Variants in GCGR observed in about 807,000 individuals in gnomAD.
The protein encoded by GCGR is glucagon receptor.
A neutral mutation model predicts 56.1 loss-of-function variants in GCGR; 41 were observed. The ratio of observed to expected loss-of-function variants is 0.73; its 90% CI spans 0.57 to 0.95. The LOEUF (loss-of-function observed/expected upper bound fraction) is 0.95. Among genes scored for constraint, GCGR ranks in the 40% least tolerant of loss-of-function variants. The pLI is 0.00. For missense variants in GCGR, 595 were observed against 638.2 expected (o/e 0.93, Z 0.73); for synonymous variants, 278 against 271.1 (o/e 1.03, Z -0.25).
rs2038067014 is a variant in GCGR, at chr17:81,810,341, AG to A, written c.163+460del. On this transcript the variant is annotated intron_variant, in intron 3 of 13. Coordinates refer to ENST00000400723, the MANE Select transcript of GCGR (RefSeq NM_000160.5). The surrounding 1 kb of genome is among the most constrained non-coding windows in gnomAD (Gnocchi z 4.6). Reference sequence around the variant, plus strand: ...GGGAGGCAGTGCCTGGGTTCGGATGAGGGAGGCAGCCACCACTGGGCAGAGG... The same window carrying A: ...GGGAGGCAGTGCCTGGGTTCGGATGAGGAGGCAGCCACCACTGGGCAGAGG... 2 of 324,034 alleles carry A rather than the reference AG, an allele frequency of 6.2e-6. No individual in the cohort carries two copies. The highest frequency in any genetic ancestry group is 1.2e-5 in the Non-Finnish European group (2 of 167,782). 20.1% of individuals were successfully genotyped at this position (324,034 alleles called of 1,614,324 possible). A position where few individuals can be genotyped will look rare whatever the true frequency, so the allele number is the denominator to read the frequency against.
At position 81,810,336 on chromosome 17, in the gene GCGR, G is replaced by T; in HGVS notation, c.163+452G>T. 3.1e-6 allele frequency: 1 copy of T among 325,728 alleles called. No individual in the cohort carries two copies. Among genetic ancestry groups the T allele is most frequent in the East Asian group, 7.9e-5 (1 of 12,670 alleles). The allele number at this position is 325,728 out of a possible 1,614,324, so 20.2% of individuals were successfully genotyped here. On this transcript the variant is annotated intron_variant, in intron 3 of 13. Transcript: ENST00000400723. This position sits in a 1 kb window ranked among gnomAD's most constrained non-coding sequence, Gnocchi z 4.6. ...CACCCGGGAGGCAGTGCCTGGGTTC[G>T]GATGAGGGAGGCAGCCACCACTGGG...
chr17:81,812,570 C>T lies in GCGR; in HGVS notation c.949-7C>T, dbSNP rs1336642752. ...GGATGCCCCTGACTCGCACCCTTCT[C>T]ACACAGATCAACTTCTTCATCTTCG... On this transcript the variant is annotated splice_region_variant and splice_polypyrimidine_tract_variant and intron_variant, in intron 10 of 13. Coordinates refer to ENST00000400723, the MANE Select transcript of GCGR (RefSeq NM_000160.5). The surrounding 1 kb of genome is among the most constrained non-coding windows in gnomAD (Gnocchi z 8.5). 1 of 1,536,282 alleles carries T rather than the reference C, an allele frequency of 6.5e-7. No individual in the cohort carries two copies. The highest frequency in any genetic ancestry group is 8.7e-7 in the Non-Finnish European group (1 of 1,146,652).
chr17:81,813,786 G>T lies in GCGR; in HGVS notation c.*97G>T. The T allele has an allele frequency of 8.1e-7, 1 of 1,234,948 alleles. No individual in the cohort carries two copies. Among genetic ancestry groups the T allele is most frequent in the Non-Finnish European group, 1.1e-6 (1 of 902,358 alleles). The allele number at this position is 1,234,948 out of a possible 1,614,324, so 76.5% of individuals were successfully genotyped here. A position where few individuals can be genotyped will look rare whatever the true frequency, so the allele number is the denominator to read the frequency against. Reference sequence around the variant, plus strand: ...CGCCCAGCTGAGGCTGGGGGCGGGGGAGCCAACAGCAGCCCCCACCTACCC... The same window carrying T: ...CGCCCAGCTGAGGCTGGGGGCGGGGTAGCCAACAGCAGCCCCCACCTACCC... On this transcript the variant is annotated 3_prime_UTR_variant, in exon 14 of 14. Coordinates refer to ENST00000400723, the MANE Select transcript of GCGR (RefSeq NM_000160.5). The surrounding 1 kb of genome is among the most constrained non-coding windows in gnomAD (Gnocchi z 5.3).
At chr17:81,807,177 C>T (rs1426647378) in intron 1 of GCGR, among the ~76,000 whole-genome samples, 5 of 152,206 alleles carry the variant, frequency 3.3e-5, no homozygotes, top group Admixed American at 6.5e-5. Context: ...CCCCCACCCG[C>T]CTGCCGCTGT....
chr17:81,809,295 C>CCTGTCTGTCTGCCTGTCCAT (rs2038030121), intron 2 of GCGR, among the ~76,000 whole-genome samples: 1 of 148,930 alleles, frequency 6.7e-6, no homozygotes. Flanking sequence ...TGTCCGTCTG[C>CCTGTCTGTCTGCCTGTCCAT]CTGTCTGTCT....
chr17:81,807,192 G>A (rs554589917), intron 1 of GCGR, among the ~76,000 whole-genome samples: 4 of 152,164 alleles, frequency 2.6e-5, no homozygotes, highest in African/African-American at 7.2e-5. Flanking sequence ...CGCTGTCTCC[G>A]CCAGGGAGAG....
rs576194179 is a variant in GCGR at position 81,810,867 on chromosome 17, C to T, written c.206C>T (p.Pro69Leu). 32 of 1,536,168 alleles carry T rather than the reference C, an allele frequency of 2.1e-5. No homozygotes were observed. Among genetic ancestry groups the T allele is most frequent in the Admixed American group, 5.9e-5 (3 of 50,964 alleles). Residue 69 changes from proline (P) to leucine (L), a missense_variant, in exon 4 of 14, where the codon CCG (proline) becomes CTG (leucine). Transcript: ENST00000400723. The surrounding 1 kb of genome is among the most constrained non-coding windows in gnomAD (Gnocchi z 4.6). ...NRTFDKYSCW[P>L]DTPANTTANI... The stretch of plus-strand genomic sequence containing the variant: ...ACCTTCGACAAGTATTCCTGCTGGC[C>T]GGACACCCCCGCCAATACCACGGCC...
At chr17:81,808,809 G>A (rs1355092430) in intron 1 of GCGR, 33 bp from the exon 2 acceptor site, 7 of 616,970 alleles carry the variant, frequency 1.1e-5, no homozygotes, top group African/African-American at 7.4e-5. Flanking sequence ...GTGAGCCGCC[G>A]CGCCCGGCCC....
chr17:81,805,647 A>C, intron 1 of GCGR, among the ~76,000 whole-genome samples: 1 of 132,100 alleles, frequency 7.6e-6, no homozygotes, highest in South Asian at 2.6e-4. Flanking sequence ...GAACCCCCCT[A>C]TTGGGCACCT....
chr17:81,807,632 C>T (rs1220428709), intron 1 of GCGR, among the ~76,000 whole-genome samples: 2 of 152,252 alleles, frequency 1.3e-5, no homozygotes, highest in African/African-American at 4.8e-5. Flanking sequence ...CTCCATCTGC[C>T]CAGCCATCCA....
rs527317042 is a variant in GCGR at position 81,813,481 on chromosome 17, C to G, written c.1226C>G (p.Ser409Trp). 30 of 1,534,842 alleles carry G rather than the reference C, an allele frequency of 2.0e-5. No individual in the cohort carries two copies. In the African/African-American group the frequency reaches 4.1e-4, roughly 21 times the overall value. ...CCCCGTCCCCCTCCCCAGGTGCAGT[C>G]GGAGCTGCGGCGGCGTTGGCACCGC... ...LYCFLNKEVQ[S>W]ELRRRWHRWR... is the part of the protein sequence containing the mutation. Residue 409 changes from serine to tryptophan, a missense_variant, in exon 14 of 14, where the codon TCG becomes TGG. Transcript: ENST00000400723. The surrounding 1 kb of genome is among the most constrained non-coding windows in gnomAD (Gnocchi z 5.3).
chr17:81,813,515 GGGCA>G lies in GCGR; in HGVS notation c.1261_1264del (p.Gly421LysfsTer64), dbSNP rs1182056067. 6.5e-7 allele frequency: 1 copy of G among 1,535,878 alleles called. No individual in the cohort carries two copies. Among genetic ancestry groups the G allele is most frequent in the East Asian group, 2.4e-5 (1 of 40,900 alleles). On this transcript the variant is annotated frameshift_variant, in exon 14 of 14. Coordinates refer to ENST00000400723, the MANE Select transcript of GCGR (RefSeq NM_000160.5). LOFTEE classifies it low-confidence loss of function (END_TRUNC). This position sits in a 1 kb window ranked among gnomAD's most constrained non-coding sequence, Gnocchi z 5.3. Reference sequence around the variant, plus strand: ...GGCGGCGTTGGCACCGCTGGCGCCTGGGCAAAGTGCTATGGGAGGAGCGGAACAC... The same window carrying G: ...GGCGGCGTTGGCACCGCTGGCGCCTGAAGTGCTATGGGAGGAGCGGAACAC...
Position 81,813,432 on chromosome 17 carries a change from C to T in GCGR, c.1219-42C>T. The T allele has an allele frequency of 2.0e-6, 3 of 1,511,268 alleles. No individual in the cohort carries two copies. The highest frequency in any genetic ancestry group is 2.7e-6 in the Non-Finnish European group (3 of 1,127,538). 93.6% of individuals were successfully genotyped at this position (1,511,268 alleles called of 1,614,324 possible). A position where few individuals can be genotyped will look rare whatever the true frequency, so the allele number is the denominator to read the frequency against. On this transcript the variant is annotated intron_variant, in intron 13 of 13. Transcript: ENST00000400723. This position sits in a 1 kb window ranked among gnomAD's most constrained non-coding sequence, Gnocchi z 5.3. ...GCAGGTCCCGGTGGGGTGGAGAGGA[C>T]AGGCAGGCCCTAGGACTGGCCTGCC... is the stretch of plus-strand genomic sequence containing the variant.
chr17:81,809,662 T>C (rs1297030494), intron 2 of GCGR, 120 bp from the exon 3 acceptor site: 10 of 729,412 alleles, frequency 1.4e-5, no homozygotes, highest in Non-Finnish European at 2.1e-5. Flanking sequence ...TGCCTGTCTG[T>C]CTGCCTGTCT....
rs758274454 is a variant in GCGR, at chr17:81,810,010, C to A, written c.163+126C>A. The stretch of plus-strand genomic sequence containing the variant: ...ACCCCGCCAAGGGGCCCTGTCATTC[C>A]TCAGGCCCCCACCACCGTGGGCAGG... On this transcript the variant is annotated intron_variant, in intron 3 of 13. Transcript: ENST00000400723. The surrounding 1 kb of genome is among the most constrained non-coding windows in gnomAD (Gnocchi z 4.6). The A allele has an allele frequency of 2.7e-6, 2 of 751,384 alleles. No individual in the cohort carries two copies. Among genetic ancestry groups the A allele is most frequent in the Non-Finnish European group, 4.6e-6 (2 of 431,318 alleles). 46.5% of individuals were successfully genotyped at this position (751,384 alleles called of 1,614,324 possible). A position where few individuals can be genotyped will look rare whatever the true frequency, so the allele number is the denominator to read the frequency against.
chr17:81,808,021 C>T (rs748685686), intron 1 of GCGR, among the ~76,000 whole-genome samples: 4 of 152,200 alleles, frequency 2.6e-5, no homozygotes, highest in Admixed American at 6.5e-5. Flanking sequence ...CAGCCTGTGG[C>T]GTCCCATGGG....
Position 81,811,571 on chromosome 17 carries a change from C to A in GCGR, c.657+11C>A, listed in dbSNP as rs1359448490. ...TGGCTCAGTGATGGAGTGAGCCCCC[C>A]TCGGCGGCCCCAGGCAGGTGGGTGG... On this transcript the variant is annotated intron_variant, in intron 7 of 13. Transcript: ENST00000400723. The surrounding 1 kb of genome is among the most constrained non-coding windows in gnomAD (Gnocchi z 5.8). 1 of 1,536,266 alleles carries A rather than the reference C, an allele frequency of 6.5e-7. No homozygotes were observed. The highest frequency in any genetic ancestry group is 1.4e-5 in the African/African-American group (1 of 73,164).
At position 81,812,757 on chromosome 17, in the gene GCGR, G is replaced by A. The variant is rs1049312427; in HGVS notation, c.1038-50G>A. 15 of 1,534,200 alleles carry A rather than the reference G, an allele frequency of 9.8e-6. No homozygotes were observed. Among genetic ancestry groups the A allele is most frequent in the Middle Eastern group, 1.7e-4 (1 of 5,878 alleles). On this transcript the variant is annotated intron_variant, in intron 11 of 13. Coordinates refer to ENST00000400723, the MANE Select transcript of GCGR (RefSeq NM_000160.5). This position sits in a 1 kb window ranked among gnomAD's most constrained non-coding sequence, Gnocchi z 8.5. ...GGGGACTCCAAGCTCCACGTGGATGGTGCGGGCCGAGGGTGGGGGCGGTGG... is the reference window on the plus strand; with the variant it reads ...GGGGACTCCAAGCTCCACGTGGATGATGCGGGCCGAGGGTGGGGGCGGTGG...
At position 81,806,500 on chromosome 17, in the gene GCGR, C is replaced by T. The variant is rs1465029429; in HGVS notation, c.-178+2251C>T. Among the ~76,000 whole-genome samples the T allele has an allele frequency of 6.6e-6, 1 of 152,172 alleles. No homozygotes were observed. The highest frequency in any genetic ancestry group is 6.5e-5 in the Admixed American group (1 of 15,280). Reference sequence around the variant, plus strand: ...GGGTCCTGACTGTTTCAAAGAAAGGCCTGGGGGACTGGGCAGCCAACCCCT... The same window carrying T: ...GGGTCCTGACTGTTTCAAAGAAAGGTCTGGGGGACTGGGCAGCCAACCCCT... On this transcript the variant is annotated intron_variant, in intron 1 of 13. Transcript: ENST00000400723. This position sits in a 1 kb window ranked among gnomAD's most constrained non-coding sequence, Gnocchi z 6.5.
Sources: allele counts gnomAD v4.1 joint callset (sites outside exome capture counted in the v4.1 genomes callset), GRCh38; gene constraint gnomAD v4.1.1; non-coding constraint Gnocchi (gnomAD v3.1); transcripts MANE v1.5; gene names NCBI Gene and HGNC (gene_info 2026-07-23, HGNC 2026-07-21).